Variants in RELN observed in about 807,000 individuals in gnomAD.
RELN encodes reelin.
In RELN, 108 loss-of-function variants were observed where a neutral mutation model predicts 427.6. The observed-to-expected ratio is 0.25, with a 90% CI of 0.22 to 0.30. The LOEUF is 0.30. Ranked by LOEUF, RELN falls within the 10% of genes least tolerant of loss-of-function variation. RELN has a pLI of 1.00. For missense variants in RELN, 3,715 were observed against 4,302.8 expected, an observed-to-expected ratio of 0.86 and a Z score of 3.82; for synonymous variants, 1,524 against 1,513.4, an observed-to-expected ratio of 1.01 and a Z score of -0.16.
chr7:103,575,738 A>G (rs1438598033), intron 28 of RELN, 33 bp from the exon 29 acceptor site: 3 of 1,612,054 alleles, frequency 1.9e-6, no homozygotes, highest in Non-Finnish European at 2.5e-6. Context: ...TGTTTCTTGT[A>G]CCAACATCTC....
At position 103,599,504 on chromosome 7, in the gene RELN, GCTGAACAC is replaced by G. The variant is rs200011900; in HGVS notation, c.3334-2851_3334-2844del. 7.5e-4 allele frequency among the ~76,000 whole-genome samples: 114 copies of G among 152,214 alleles called. No homozygotes were observed. In the South Asian group the frequency reaches 0.012, roughly 16 times the overall value. On this transcript the variant is annotated intron_variant, in intron 24 of 64. Transcript: ENST00000428762. ...TCTAGTGCATGACATGCATTTCTGA[GCTGAACAC>G]CTTAGCCAGAGTTTGGCTCAGTCTG...
rs773902808 is a variant in RELN at position 103,483,680 on chromosome 7, G to A, written c.10154C>T (p.Ala3385Val). ...GGGGACATTGTAAGACACTCTCTGA[G>A]CTTGTGTGAAGTCCTTTGGCTGGTG... ...AQHQPKDFTQ[A>V]QRVSYNVPLE... is the part of the protein sequence containing the mutation. Residue 3385 changes from alanine (A) to valine (V), a missense_variant, in exon 62 of 65, where the codon GCT becomes GTT. Physicochemically the swap from Ala to Val is moderately conservative, Grantham distance 64. Coordinates refer to ENST00000428762, the MANE Select transcript of RELN (RefSeq NM_005045.4). 9 of 1,614,056 alleles carry A rather than the reference G, an allele frequency of 5.6e-6. No individual in the cohort carries two copies. The highest frequency in any genetic ancestry group is 7.6e-6 in the Non-Finnish European group (9 of 1,180,034).
chr7:103,873,063 G>C (rs557829660), intron 2 of RELN, among the ~76,000 whole-genome samples: 3 of 151,820 alleles, frequency 2.0e-5, no homozygotes, highest in Non-Finnish European at 2.9e-5. Flanking sequence ...ACTCAAAGCC[G>C]CCCAACTACA....
chr7:103,524,917 G>A (rs1829790216), intron 46 of RELN, among the ~76,000 whole-genome samples: 2 of 152,034 alleles, frequency 1.3e-5, no homozygotes, highest in Non-Finnish European at 2.9e-5. Flanking sequence ...ACTTTCTACT[G>A]CATTTTACCG....
chr7:103,853,213 G>A (rs1793865623), intron 2 of RELN, among the ~76,000 whole-genome samples: 1 of 151,988 alleles, frequency 6.6e-6, no homozygotes, highest in African/African-American at 2.4e-5. Flanking sequence ...AGAGCATGTT[G>A]GATTGACTAA....
chr7:103,562,538 T>C (rs1392950384), intron 34 of RELN, among the ~76,000 whole-genome samples: 1 of 152,200 alleles, frequency 6.6e-6, no homozygotes, highest in Non-Finnish European at 1.5e-5. Context: ...TTATTTGGAG[T>C]ATCTTGGGTC....
chr7:103,989,168 G>T lies in RELN; in HGVS notation c.189C>A (p.Gly63=), dbSNP rs370805443. 95 of 1,613,966 alleles carry T rather than the reference G, an allele frequency of 5.9e-5. No homozygotes were observed. In the South Asian group the frequency reaches 9.4e-4, roughly 16 times the overall value. ...GTCCCGGAACGTAGTAGGTGGGGTT[G>T]CCCGCAATATGCAGGGAAATGAGCA... The part of the protein sequence containing the change: ...GEVLISLHIA[G]NPTYYVPGQE... Residue 63 remains glycine (G), a synonymous_variant, in exon 1 of 65, where the codon GGC becomes GGA. Coordinates refer to ENST00000428762, the MANE Select transcript of RELN (RefSeq NM_005045.4). The surrounding 1 kb of genome is among the most constrained non-coding windows in gnomAD (Gnocchi z 4.9).
In RELN at chr7:103,953,886, C is replaced by T. The variant is rs980435092; in HGVS notation, c.226+35245G>A. Among the ~76,000 whole-genome samples, 3 of 151,962 alleles carry T rather than the reference C, an allele frequency of 2.0e-5. No individual in the cohort carries two copies. Among genetic ancestry groups the T allele is most frequent in the African/African-American group, 7.3e-5 (3 of 41,346 alleles). On this transcript the variant is annotated intron_variant, in intron 1 of 64. Coordinates refer to ENST00000428762, the MANE Select transcript of RELN (RefSeq NM_005045.4). This position sits in a 1 kb window ranked among gnomAD's most constrained non-coding sequence, Gnocchi z 4.3. ...GGCAGAGGCTGCAATGAGTCAAGAC[C>T]GTGCCACTACATGCCAGGCTGTGCG...
At chr7:103,896,197 A>G (rs1563076566) in intron 2 of RELN, among the ~76,000 whole-genome samples, 2 of 152,112 alleles carry the variant, frequency 1.3e-5, no homozygotes, top group Non-Finnish European at 2.9e-5. Context: ...GAAGACGCAG[A>G]GCAATTGCAA....
At chr7:103,982,620 G>A (rs1374774952) in intron 1 of RELN, among the ~76,000 whole-genome samples, 2 of 152,042 alleles carry the variant, frequency 1.3e-5, no homozygotes, top group Non-Finnish European at 2.9e-5. Context: ...AAGGAGGAAA[G>A]ACAAAGATAA....
At chr7:103,525,764 G>A (rs1351511910) in intron 46 of RELN, among the ~76,000 whole-genome samples, 3 of 150,642 alleles carry the variant, frequency 2.0e-5, no homozygotes, top group Non-Finnish European at 2.9e-5. Flanking sequence ...AGGGAATATT[G>A]GTTTGTATCC....
chr7:103,566,353 G>C lies in RELN; in HGVS notation c.4807C>G (p.Gln1603Glu), dbSNP rs746725268. 1.5e-5 allele frequency: 25 copies of C among 1,613,980 alleles called. No homozygotes were observed. In the South Asian group the frequency reaches 2.1e-4, roughly 13 times the overall value. The change falls in exon 33 of 65, where the codon CAA becomes GAA. Residue 1603 changes from glutamine (Q) to glutamate (E), a missense_variant. Around this residue, in one of 4 missense-constraint regions of RELN, gnomAD observed 2,208 missense variants for 2,361.7 expected, o/e 0.93. Coordinates refer to ENST00000428762, the MANE Select transcript of RELN (RefSeq NM_005045.4). ...DVLIGMNDSS[Q>E]TGFQDKFDGS... is the part of the protein sequence containing the mutation. ...TCAAATTTGTCTTGAAATCCAGTTTGAGAGCTGTCATTCATTCCTATAAGA... is the reference window on the plus strand; with the variant it reads ...TCAAATTTGTCTTGAAATCCAGTTTCAGAGCTGTCATTCATTCCTATAAGA...
chr7:103,924,985 T>TACAC lies in RELN; in HGVS notation c.227-7804_227-7801dup, dbSNP rs1228074490. On this transcript the variant is annotated intron_variant, in intron 1 of 64. Coordinates refer to ENST00000428762, the MANE Select transcript of RELN (RefSeq NM_005045.4). ...TCTCTGACACACGTGTGCATGCGCA[T>TACAC]ACACATACACACACACACACACACA... Among the ~76,000 whole-genome samples, 33 of 137,638 alleles carry TACAC rather than the reference T, an allele frequency of 2.4e-4. 1 individual carries two copies. Among genetic ancestry groups the TACAC allele is most frequent in the African/African-American group, 5.0e-4 (18 of 36,156 alleles). 90.3% of individuals were successfully genotyped at this position (137,638 alleles called of 152,430 possible).
chr7:103,841,384 T>C (rs1316172362), intron 2 of RELN, among the ~76,000 whole-genome samples: 2 of 152,158 alleles, frequency 1.3e-5, no homozygotes, highest in African/African-American at 4.8e-5. Flanking sequence ...AAATATCAAA[T>C]ATTTGTCTTC....
intron 4 of RELN, among the ~76,000 whole-genome samples, chr7:103,768,678 C>A (rs549548692): frequency 6.9e-4 from 105 of 152,170 alleles, no homozygotes; most frequent in African/African-American, 2.5e-3. Context: ...GTTAAAAAAA[C>A]CAAAAAGTTA....
intron 15 of RELN, among the ~76,000 whole-genome samples, chr7:103,651,255 A>C (rs1832907646): frequency 6.6e-6 from 1 of 152,094 alleles, no homozygotes; most frequent in South Asian, 2.1e-4. Flanking sequence ...TTAAATCTTT[A>C]ATTATACAGA....
At chr7:103,611,455 G>C (rs1389059982) in intron 21 of RELN, among the ~76,000 whole-genome samples, 156 bp downstream of exon 21, 7 of 151,330 alleles carry the variant, frequency 4.6e-5, no homozygotes, top group Admixed American at 4.6e-4. Flanking sequence ...GTAATCCTTT[G>C]CTGACTTTAT....
At chr7:103,567,587 A>G (rs1220719031) in intron 31 of RELN, among the ~76,000 whole-genome samples, 2 of 152,110 alleles carry the variant, frequency 1.3e-5, no homozygotes, top group African/African-American at 4.8e-5. Context: ...TATTAAGAAT[A>G]AGACTGTGCC....
At chr7:103,608,113 T>C (rs1831861935) in intron 22 of RELN, among the ~76,000 whole-genome samples, 1 of 152,148 alleles carries the variant, frequency 6.6e-6, no homozygotes, top group Non-Finnish European at 1.5e-5. Flanking sequence ...AACAAAGATT[T>C]GGCCAAAAAA....
Sources: gnomAD v4.1 joint callset for allele counts (sites outside exome capture counted in the v4.1 genomes callset) on GRCh38, gnomAD v4.1.1 for gene constraint, gnomAD v4.1.1 regional missense constraint, Gnocchi (gnomAD v3.1) non-coding constraint, MANE v1.5 for transcripts, NCBI Gene and HGNC (gene_info 2026-07-23, HGNC 2026-07-21) for gene names.